STPG2: variants seen among roughly 807,000 people sequenced by gnomAD.
The protein encoded by STPG2 is sperm-tail PG-rich repeat-containing protein 2.
Under a neutral mutation model 54.2 loss-of-function variants are expected in STPG2, and 56 were observed. That is an observed-to-expected ratio of 1.03 (90% CI 0.83 to 1.29). The LOEUF is 1.29. Among genes scored for constraint, STPG2 ranks in the 50% most tolerant of loss-of-function variants. STPG2 has a pLI of 0.00. For synonymous variants in STPG2, 200 were observed against 181.8 expected (o/e 1.10, Z -0.81); for missense variants, 596 against 544.9 (o/e 1.09, Z -0.93).
At chr4:98,042,123 G>A (rs1255628195) in intron 5 of STPG2, among the ~76,000 whole-genome samples, 2 of 151,740 alleles carry the variant, frequency 1.3e-5, no homozygotes, top group South Asian at 2.1e-4. Context: ...TGGGCATATC[G>A]TCATTCATAG....
chr4:97,703,265 G>T (rs776665893), intron 10 of STPG2, among the ~76,000 whole-genome samples: 2 of 151,280 alleles, frequency 1.3e-5, no homozygotes, highest in Non-Finnish European at 2.9e-5. Context: ...ATCATATTAA[G>T]CAGCCAACTC....
intron 3 of STPG2, among the ~76,000 whole-genome samples, chr4:98,117,103 T>A (rs1240034183): frequency 6.6e-6 from 1 of 151,960 alleles, no homozygotes; most frequent in Non-Finnish European, 1.5e-5. Flanking sequence ...AAGACTCCAT[T>A]TGGTATTTCT....
chr4:97,713,565 C>A (rs1724198113), intron 9 of STPG2, among the ~76,000 whole-genome samples: 1 of 152,204 alleles, frequency 6.6e-6, no homozygotes, highest in Admixed American at 6.6e-5. Context: ...CTGGCAGATT[C>A]TTGATTCTCA....
chr4:97,859,325 A>G (rs1328172409), intron 8 of STPG2, among the ~76,000 whole-genome samples: 1 of 152,006 alleles, frequency 6.6e-6, no homozygotes. Flanking sequence ...ATAGTTTTCA[A>G]ATATTTTCTC....
intron 9 of STPG2, among the ~76,000 whole-genome samples, chr4:97,792,326 C>T (rs1207801164): frequency 6.6e-6 from 1 of 152,140 alleles, no homozygotes; most frequent in Non-Finnish European, 1.5e-5. Flanking sequence ...TGGCAAATCT[C>T]CCCTGCTAGG....
intron 5 of STPG2, among the ~76,000 whole-genome samples, chr4:98,035,037 G>A (rs978420192): frequency 2.0e-5 from 3 of 152,086 alleles, no homozygotes; most frequent in Admixed American, 6.5e-5. Flanking sequence ...CATAGGCATG[G>A]GCAAAGACTT....
chr4:97,569,504 A>G (rs1333245625), intron 10 of STPG2, among the ~76,000 whole-genome samples: 2 of 152,044 alleles, frequency 1.3e-5, no homozygotes, highest in East Asian at 3.9e-4. Flanking sequence ...CCCAGCCCCT[A>G]TTCAAGATGG....
intron 4 of STPG2, among the ~76,000 whole-genome samples, chr4:97,548,113 G>C (rs1374403314): frequency 6.6e-6 from 1 of 152,038 alleles, no homozygotes; most frequent in Non-Finnish European, 1.5e-5. Context: ...TCACGCCATT[G>C]CACTCCAGCC....
At chr4:97,799,755 C>T (rs1727321117) in intron 9 of STPG2, among the ~76,000 whole-genome samples, 1 of 147,528 alleles carries the variant, frequency 6.8e-6, no homozygotes, top group South Asian at 2.2e-4. Context: ...CGAAGTTTTC[C>T]TGGATAATAT....
intron 9 of STPG2, among the ~76,000 whole-genome samples, chr4:97,735,738 G>T (rs1023479093): frequency 6.6e-6 from 1 of 151,224 alleles, no homozygotes; most frequent in African/African-American, 2.4e-5. Flanking sequence ...ATAGGGATAC[G>T]TGTATATCCT....
intron 4 of STPG2, among the ~76,000 whole-genome samples, chr4:97,462,301 T>C (rs1485255859): frequency 6.6e-6 from 1 of 152,062 alleles, no homozygotes; most frequent in Non-Finnish European, 1.5e-5. Context: ...GTCTTACTTA[T>C]ATTAGTTTTA....
chr4:97,644,874 C>G (rs1391591944), intron 10 of STPG2, among the ~76,000 whole-genome samples: 21 of 151,992 alleles, frequency 1.4e-4, no homozygotes, highest in Admixed American at 1.4e-3. Context: ...TTCTCAAACA[C>G]AGATTTAAGA....
intron 10 of STPG2, among the ~76,000 whole-genome samples, chr4:97,572,949 A>G (rs1053195766): frequency 6.6e-6 from 1 of 152,114 alleles, no homozygotes; most frequent in African/African-American, 2.4e-5. Flanking sequence ...GCGTTTAACT[A>G]GTTTTATCCC....
chr4:98,055,063 C>A (rs1737439255), intron 5 of STPG2, among the ~76,000 whole-genome samples: 1 of 151,980 alleles, frequency 6.6e-6, no homozygotes, highest in Non-Finnish European at 1.5e-5. Context: ...AAAGCTGAGA[C>A]TAGGCTGGAT....
chr4:97,748,044 T>G (rs1208710985), intron 9 of STPG2, among the ~76,000 whole-genome samples: 2 of 151,480 alleles, frequency 1.3e-5, no homozygotes, highest in Non-Finnish European at 3.0e-5. Context: ...TTTCTACATT[T>G]GTTCATTTTC....
chr4:97,773,028 C>T (rs184756211), intron 9 of STPG2, among the ~76,000 whole-genome samples: 1 of 152,212 alleles, frequency 6.6e-6, no homozygotes, highest in East Asian at 1.9e-4. Flanking sequence ...CAACAATATT[C>T]AAAAAGAGCT....
chr4:98,005,743 A>G (rs1206497403), intron 5 of STPG2, among the ~76,000 whole-genome samples: 2 of 152,126 alleles, frequency 1.3e-5, no homozygotes, highest in Admixed American at 1.3e-4. Context: ...TGAATAATTC[A>G]TTTGGTGTGT....
At chr4:97,464,428 C>T (rs1474596663) in intron 4 of STPG2, among the ~76,000 whole-genome samples, 1 of 152,042 alleles carries the variant, frequency 6.6e-6, no homozygotes, top group Admixed American at 6.6e-5. Flanking sequence ...TGTTCTTCAT[C>T]CTCACCAGCA....
intron 4 of STPG2, among the ~76,000 whole-genome samples, chr4:97,445,373 C>A (rs1578303609): frequency 6.6e-6 from 1 of 152,046 alleles, no homozygotes; most frequent in East Asian, 1.9e-4. Context: ...ATGTTCTAGA[C>A]CAGCACTGTC....
Sources: gnomAD v4.1 joint callset for allele counts (sites outside exome capture counted in the v4.1 genomes callset) on GRCh38, gnomAD v4.1.1 for gene constraint, MANE v1.5 for transcripts, NCBI Gene and HGNC (gene_info 2026-07-23, HGNC 2026-07-21) for gene names.